Variants in TMEM86B observed in about 807,000 individuals in gnomAD.
TMEM86B encodes transmembrane protein 86B, also known as lysoplasmalogenase TMEM86B.
A neutral mutation model predicts 12.3 loss-of-function variants in TMEM86B; 15 were observed. The observed-to-expected ratio is 1.22, with a 90% CI of 0.81 to 1.87. The LOEUF is 1.87. TMEM86B is among the 40% of genes most tolerant of loss of function. The pLI, the probability that TMEM86B is intolerant of heterozygous loss-of-function variation, is 0.00. For missense variants in TMEM86B, 328 were observed against 297.4 expected, an observed-to-expected ratio of 1.10 and a Z score of -0.76; for synonymous variants, 173 against 140.3, an observed-to-expected ratio of 1.23 and a Z score of -1.65.
Position 55,227,543 on chromosome 19 carries a change from C to G in TMEM86B, c.319G>C (p.Ala107Pro). 6.5e-7 allele frequency: 1 copy of G among 1,533,660 alleles called. No homozygotes were observed. Among genetic ancestry groups the G allele is most frequent in the Non-Finnish European group, 8.8e-7 (1 of 1,135,432 alleles). The change falls in exon 3 of 3, where the codon GCC (alanine) becomes CCC (proline). Residue 107 changes from alanine (A) to proline (P), a missense_variant. Coordinates refer to ENST00000327042, the MANE Select transcript of TMEM86B (RefSeq NM_173804.5). ...FVPGMAAFAT[A>P]HLLYVWAFGF... ...AAGGCCCAGACGTAGAGGAGGTGGG[C>G]GGTGGCAAAGGCGGCCATGCCTGGC...
At chr19:55,227,749 A>T in intron 2 of TMEM86B, 186 bp from the exon 3 acceptor site, 1 of 830,344 alleles carries the variant, frequency 1.2e-6, no homozygotes, top group Non-Finnish European at 1.8e-6. Context: ...AGGAGGCCCC[A>T]CCTTCCCTTG....
In TMEM86B at chr19:55,227,141, G is replaced by A. The variant is rs1276560701; in HGVS notation, c.*40C>T. 1.4e-6 allele frequency: 2 copies of A among 1,427,030 alleles called. No individual in the cohort carries two copies. Among genetic ancestry groups the A allele is most frequent in the African/African-American group, 1.4e-5 (1 of 69,414 alleles). The allele number at this position is 1,427,030 out of a possible 1,614,324, so 88.4% of individuals were successfully genotyped here. Reference sequence around the variant, plus strand: ...GGGCTGGGAGGCCCAGGTCCTTGCAGGAGGAGAGGGCCTGAACACCGGCCC... The same window carrying A: ...GGGCTGGGAGGCCCAGGTCCTTGCAAGAGGAGAGGGCCTGAACACCGGCCC... On this transcript the variant is annotated 3_prime_UTR_variant, in exon 3 of 3. Coordinates refer to ENST00000327042, the MANE Select transcript of TMEM86B (RefSeq NM_173804.5).
chr19:55,227,200 G>T lies in TMEM86B; in HGVS notation c.662C>A (p.Pro221Gln). Residue 221 changes from proline to glutamine, a missense_variant, in exon 3 of 3, where the codon CCG (proline) becomes CAG (glutamine). Transcript: ENST00000327042. ...LLITLSALRS[P>Q]VPKTD ...CCCTAGTCAGTCAGTCTTGGGCACC[G>T]GGCTCCTGAGGGCTGACAGTGTGAT... is the stretch of plus-strand genomic sequence containing the variant. 6.6e-7 allele frequency: 1 copy of T among 1,526,550 alleles called. No homozygotes were observed. Among genetic ancestry groups the T allele is most frequent in the Non-Finnish European group, 8.8e-7 (1 of 1,131,156 alleles). The allele number at this position is 1,526,550 out of a possible 1,614,324, so 94.6% of individuals were successfully genotyped here.
chr19:55,228,146 CT>C, intron 2 of TMEM86B, 44 bp downstream of exon 2: 1 of 1,566,918 alleles, frequency 6.4e-7, no homozygotes. Flanking sequence ...GCTGGGGCCT[CT>C]CTCACACGGG....
Position 55,227,309 on chromosome 19 carries a change from C to T in TMEM86B, c.553G>A (p.Val185Met), listed in dbSNP as rs777404914. 1.3e-4 allele frequency: 209 copies of T among 1,609,478 alleles called. No homozygotes were observed. Among genetic ancestry groups the T allele is most frequent in the Non-Finnish European group, 1.6e-4 (192 of 1,177,916 alleles). ...GALLFTLSDG[V>M]LAWDTFAQPL... is the part of the protein sequence containing the mutation. ...TGGGCGAAGGTGTCCCAGGCCAGCACGCCATCAGAGAGCGTGAAGAGCAGC... is the reference window on the plus strand; with the variant it reads ...TGGGCGAAGGTGTCCCAGGCCAGCATGCCATCAGAGAGCGTGAAGAGCAGC... The change falls in exon 3 of 3, where the codon GTG becomes ATG. Residue 185 changes from valine (V) to methionine (M), a missense_variant. Transcript: ENST00000327042.
rs894025332 is a variant in TMEM86B at position 55,227,444 on chromosome 19, G to A, written c.418C>T (p.Leu140Phe). The change falls in exon 3 of 3, where the codon CTC (leucine) becomes TTC (phenylalanine). Residue 140 changes from leucine (L) to phenylalanine (F), a missense_variant. Leu to Phe is a conservative substitution (Grantham distance 22). Transcript: ENST00000327042. ...LAPGPYLSLV[L>F]QHLEPDMVLP... is the part of the protein sequence containing the mutation. ...ACCATATCCGGCTCGAGGTGCTGGAGCACAAGGCTGAGGTAGGGGCCAGGG... is the reference window on the plus strand; with the variant it reads ...ACCATATCCGGCTCGAGGTGCTGGAACACAAGGCTGAGGTAGGGGCCAGGG... 3.8e-6 allele frequency: 6 copies of A among 1,562,438 alleles called. No homozygotes were observed. Among genetic ancestry groups the A allele is most frequent in the African/African-American group, 2.7e-5 (2 of 73,868 alleles).
In TMEM86B at chr19:55,227,289, G is replaced by A. The variant is rs770981254; in HGVS notation, c.573C>T (p.Phe191=). Residue 191 remains phenylalanine, a synonymous_variant, in exon 3 of 3, where the codon TTC becomes TTT. Transcript: ENST00000327042. ...LSDGVLAWDT[F]AQPLPHAHLV... is the part of the protein sequence containing the mutation. ...GGTGGGCATGGGGCAGGGGCTGGGC[G>A]AAGGTGTCCCAGGCCAGCACGCCAT... is the stretch of plus-strand genomic sequence containing the variant. 2.9e-5 allele frequency: 47 copies of A among 1,608,526 alleles called. No individual in the cohort carries two copies. Among genetic ancestry groups the A allele is most frequent in the African/African-American group, 1.5e-4 (11 of 74,818 alleles).
rs750981160 is a variant in TMEM86B at position 55,228,706 on chromosome 19, A to T, written c.36T>A (p.Thr12=). ...DAGKAGQTLK[T]HCSAQRPDVC... ...AGGCTCTCACCTGGGCTGAGCAGTG[A>T]GTCTTCAGGGTCTGCCCCGCTTTGC... The change falls in exon 1 of 3, where the codon ACT becomes ACA. Residue 12 remains threonine, a synonymous_variant. Coordinates refer to ENST00000327042, the MANE Select transcript of TMEM86B (RefSeq NM_173804.5). 2 of 1,613,074 alleles carry T rather than the reference A, an allele frequency of 1.2e-6. No homozygotes were observed. Among genetic ancestry groups the T allele is most frequent in the South Asian group, 1.1e-5 (1 of 91,010 alleles).
Position 55,227,346 on chromosome 19 carries a change from G to A in TMEM86B, c.516C>T (p.Ala172=), listed in dbSNP as rs769121963. The change falls in exon 3 of 3, where the codon GCC becomes GCT. Residue 172 remains alanine, a synonymous_variant. Coordinates refer to ENST00000327042, the MANE Select transcript of TMEM86B (RefSeq NM_173804.5). ...GCGTGAAGAGCAGCGCGCCCCAGCC[G>A]GCACTCCCGCCCTGGGCCAGGCCGC... ...LWRGLAQGGS[A]GWGALLFTLS... The A allele has an allele frequency of 4.4e-5, 71 of 1,604,046 alleles. No individual in the cohort carries two copies. The highest frequency in any genetic ancestry group is 6.7e-5 in the South Asian group (6 of 90,050).
chr19:55,227,599 C>A (rs1229658224), intron 2 of TMEM86B, 36 bp from the exon 3 acceptor site: 1 of 1,487,810 alleles, frequency 6.7e-7, no homozygotes, highest in South Asian at 1.3e-5. Flanking sequence ...GTGAGGAAGG[C>A]CCATCCTGGG....
rs769937679 is a variant in TMEM86B, at chr19:55,228,117, C to T, written c.298+74G>A. ...GGAGCTCTCACAGGAGCCCTCTGCACCCAGGCTCCCATCCAAGTGCTGGGG... is the reference window on the plus strand; with the variant it reads ...GGAGCTCTCACAGGAGCCCTCTGCATCCAGGCTCCCATCCAAGTGCTGGGG... On this transcript the variant is annotated intron_variant, in intron 2 of 2. Coordinates refer to ENST00000327042, the MANE Select transcript of TMEM86B (RefSeq NM_173804.5). The T allele has an allele frequency of 5.5e-5, 83 of 1,522,872 alleles. 1 individual carries two copies. The highest frequency in any genetic ancestry group is 1.5e-5 in the Non-Finnish European group (17 of 1,140,954). 94.3% of individuals were successfully genotyped at this position (1,522,872 alleles called of 1,614,324 possible). A position where few individuals can be genotyped will look rare whatever the true frequency, so the allele number is the denominator to read the frequency against.
In TMEM86B at chr19:55,228,614, A is replaced by G. The variant is rs939338683; in HGVS notation, c.51+77T>C. On this transcript the variant is annotated intron_variant, in intron 1 of 2. Coordinates refer to ENST00000327042, the MANE Select transcript of TMEM86B (RefSeq NM_173804.5). ...AGGGCCCAACCAACTCAAGGACAGC[A>G]GCTCCCAGACCCGCCGGCTGCTGGG... The G allele has an allele frequency of 3.7e-5, 57 of 1,546,852 alleles. No homozygotes were observed. In the Middle Eastern group the frequency reaches 6.0e-4, roughly 16 times the overall value.
Position 55,228,223 on chromosome 19 carries a change from G to A in TMEM86B, c.266C>T (p.Ala89Val). 6.2e-7 allele frequency: 1 copy of A among 1,611,868 alleles called. No homozygotes were observed. The highest frequency in any genetic ancestry group is 1.1e-5 in the South Asian group (1 of 90,912). Residue 89 changes from alanine to valine, a missense_variant, in exon 2 of 3, where the codon GCT (alanine) becomes GTT (valine). By Grantham distance (64) the Ala-to-Val change is moderately conservative (BLOSUM62 0). Coordinates refer to ENST00000327042, the MANE Select transcript of TMEM86B (RefSeq NM_173804.5). ...GALVCSAVGDACLIWPAAFVP... is the reference protein window; with the variant it reads ...GALVCSAVGDVCLIWPAAFVP... ...GAAGGCTGCCGGCCAGATGAGGCAAGCGTCCCCCACAGCCGAGCACACAAG... is the reference window on the plus strand; with the variant it reads ...GAAGGCTGCCGGCCAGATGAGGCAAACGTCCCCCACAGCCGAGCACACAAG...
At chr19:55,227,816 C>A (rs2087297059) in intron 2 of TMEM86B, 2 of 610,444 alleles carry the variant, frequency 3.3e-6, no homozygotes, top group Non-Finnish European at 5.5e-6. Flanking sequence ...GCCACCCTGG[C>A]CTGCTGGGCT....
Position 55,226,930 on chromosome 19 carries a change from T to G in TMEM86B, c.*251A>C. On this transcript the variant is annotated 3_prime_UTR_variant, in exon 3 of 3. Coordinates refer to ENST00000327042, the MANE Select transcript of TMEM86B (RefSeq NM_173804.5). Reference sequence around the variant, plus strand: ...CAGGCTGGTGGCTGGGAGGGCTCCATGTGGGCCTGGCTGAGGAGCCAGGGA... The same window carrying G: ...CAGGCTGGTGGCTGGGAGGGCTCCAGGTGGGCCTGGCTGAGGAGCCAGGGA... 12 of 365,632 alleles carry G rather than the reference T, an allele frequency of 3.3e-5. No individual in the cohort carries two copies. Among genetic ancestry groups the G allele is most frequent in the East Asian group, 8.5e-5 (2 of 23,654 alleles). 22.6% of individuals were successfully genotyped at this position (365,632 alleles called of 1,614,324 possible). A position where few individuals can be genotyped will look rare whatever the true frequency, so the allele number is the denominator to read the frequency against.
intron 2 of TMEM86B, chr19:55,227,970 G>A (rs1403104650): frequency 1.3e-6 from 1 of 762,496 alleles, no homozygotes; most frequent in South Asian, 1.9e-5. Context: ...AGTACCTCCA[G>A]CAGGTCCTCA....
At chr19:55,227,713 C>T (rs2087296325) in intron 2 of TMEM86B, 150 bp from the exon 3 acceptor site, 1 of 1,067,866 alleles carries the variant, frequency 9.4e-7, no homozygotes. Context: ...CATGCAGTGT[C>T]CATCCTTGCT....
At chr19:55,228,622 G>T in intron 1 of TMEM86B, 69 bp downstream of exon 1, 1 of 1,561,530 alleles carries the variant, frequency 6.4e-7, no homozygotes. Context: ...GCAGCTCCCA[G>T]ACCCGCCGGC....
rs1475053231 is a variant in TMEM86B at position 55,228,722 on chromosome 19, C to T, written c.20G>A (p.Gly7Glu). ...TGAGCAGTGAGTCTTCAGGGTCTGC[C>T]CCGCTTTGCCAGCGTCCATGCTGGC... MDAGKA[G>E]QTLKTHCSAQ... Residue 7 changes from glycine (G) to glutamate (E), a missense_variant, in exon 1 of 3, where the codon GGG (glycine) becomes GAG (glutamate). Gly to Glu is a moderately conservative substitution (Grantham distance 98). Coordinates refer to ENST00000327042, the MANE Select transcript of TMEM86B (RefSeq NM_173804.5). 1.9e-6 allele frequency: 3 copies of T among 1,612,908 alleles called. No individual in the cohort carries two copies. The highest frequency in any genetic ancestry group is 2.5e-6 in the Non-Finnish European group (3 of 1,179,832).
Sources: allele counts gnomAD v4.1 joint callset, GRCh38; gene constraint gnomAD v4.1.1; transcripts MANE v1.5; gene names NCBI Gene and HGNC (gene_info 2026-07-23, HGNC 2026-07-21).